Variants in LOC128706665 observed in about 807,000 individuals in gnomAD.
the LOC128706665 span, among the ~76,000 whole-genome samples, chr20:10,416,227 G>C: frequency 6.6e-6 from 1 of 152,132 alleles, no homozygotes; most frequent in Non-Finnish European, 1.5e-5. Context: ...TCTAAATTAA[G>C]AGGTGCACTA....
the LOC128706665 span, among the ~76,000 whole-genome samples, chr20:10,424,406 C>T: frequency 6.6e-6 from 1 of 151,920 alleles, no homozygotes; most frequent in Non-Finnish European, 1.5e-5. Context: ...AAAGAAAAAA[C>T]ATATATTTTT....
chr20:10,426,403 ATGT>A, the LOC128706665 span, among the ~76,000 whole-genome samples: 3 of 148,270 alleles, frequency 2.0e-5, no homozygotes, highest in Non-Finnish European at 4.5e-5. Flanking sequence ...CATGCCTGGC[ATGT>A]TGTTCTTTTT....
chr20:10,423,394 G>A, the LOC128706665 span, among the ~76,000 whole-genome samples: 2 of 152,060 alleles, frequency 1.3e-5, no homozygotes, highest in Admixed American at 1.3e-4. Context: ...TGCACTCCAG[G>A]ACAGGTGATG....
chr20:10,420,032 A>G, the LOC128706665 span, among the ~76,000 whole-genome samples: 3 of 152,158 alleles, frequency 2.0e-5, no homozygotes, highest in Admixed American at 1.3e-4. Context: ...AACTTTTTGA[A>G]TTTTGGAATT....
chr20:10,415,714 T>C, the LOC128706665 span, among the ~76,000 whole-genome samples: 1 of 152,210 alleles, frequency 6.6e-6, no homozygotes, highest in African/African-American at 2.4e-5. Flanking sequence ...CAATAAAAAC[T>C]ATGATTAAGA....
chr20:10,421,709 G>A, the LOC128706665 span, among the ~76,000 whole-genome samples: 2 of 151,906 alleles, frequency 1.3e-5, no homozygotes, highest in Non-Finnish European at 2.9e-5. Flanking sequence ...CAGGGTTATC[G>A]ACCTAGTTTA....
chr20:10,432,610 T>C, the LOC128706665 span, among the ~76,000 whole-genome samples: 1 of 152,000 alleles, frequency 6.6e-6, no homozygotes, highest in African/African-American at 2.4e-5. Context: ...CTGGCCAACA[T>C]GGCGAAACAC....
chr20:10,415,200 G>C, the LOC128706665 span, among the ~76,000 whole-genome samples: 1 of 152,150 alleles, frequency 6.6e-6, no homozygotes, highest in Non-Finnish European at 1.5e-5. Flanking sequence ...TTGAGGCCGG[G>C]TGTTTTAAAG....
chr20:10,422,774 C>T, the LOC128706665 span, among the ~76,000 whole-genome samples: 3 of 150,126 alleles, frequency 2.0e-5, no homozygotes, highest in South Asian at 2.1e-4. Context: ...TGCAGTGGTG[C>T]GATCTCAGCT....
At chr20:10,424,859 C>G in the LOC128706665 span, among the ~76,000 whole-genome samples, 1 of 151,946 alleles carries the variant, frequency 6.6e-6, no homozygotes, top group Non-Finnish European at 1.5e-5. Flanking sequence ...TGAGACCAGT[C>G]TGGCCAACAT....
chr20:10,432,789 CAAAAAAAA>C, the LOC128706665 span, among the ~76,000 whole-genome samples: 7,489 of 74,646 alleles, frequency 0.1, 300 homozygotes, highest in Middle Eastern at 0.19. Flanking sequence ...GACTCTTTGT[CAAAAAAAA>C]AAAAAAAAAA....
chr20:10,417,199 C>T, the LOC128706665 span, among the ~76,000 whole-genome samples: 4 of 148,880 alleles, frequency 2.7e-5, no homozygotes, highest in African/African-American at 7.5e-5. Flanking sequence ...TGCAGTGAGC[C>T]GACATCACCC....
chr20:10,425,957 TAG>T, the LOC128706665 span, among the ~76,000 whole-genome samples: 1 of 152,328 alleles, frequency 6.6e-6, no homozygotes, highest in East Asian at 1.9e-4. Context: ...TCAAGTAAAA[TAG>T]AGTTGATATT....
the LOC128706665 span, among the ~76,000 whole-genome samples, chr20:10,415,955 T>C: frequency 6.3e-4 from 96 of 151,966 alleles, no homozygotes; most frequent in African/African-American, 2.2e-3. Flanking sequence ...GGTCTAGACC[T>C]GAACAAAAGA....
the LOC128706665 span, among the ~76,000 whole-genome samples, chr20:10,416,373 A>G: frequency 1.3e-5 from 2 of 152,182 alleles, no homozygotes; most frequent in African/African-American, 2.4e-5. Context: ...TCTGCCCAAA[A>G]GTAAGGATGT....
the LOC128706665 span, among the ~76,000 whole-genome samples, chr20:10,423,466 A>G: frequency 2.0e-5 from 3 of 152,178 alleles, no homozygotes; most frequent in African/African-American, 7.2e-5. Context: ...GGATAAAAGG[A>G]TGTAATAATA....
the LOC128706665 span, chr20:10,434,100 G>C: frequency 6.6e-6 from 1 of 152,570 alleles, no homozygotes; most frequent in East Asian, 1.9e-4. Context: ...GAGTCCCAGC[G>C]CTCTCACCTG....
chr20:10,431,541 C>T, the LOC128706665 span: 5 of 151,580 alleles, frequency 3.3e-5, no homozygotes, highest in East Asian at 7.8e-4. Context: ...CCAAACCAAA[C>T]CAAACCAAAC....
At chr20:10,415,877 A>G in the LOC128706665 span, among the ~76,000 whole-genome samples, 4 of 152,196 alleles carry the variant, frequency 2.6e-5, no homozygotes, top group Non-Finnish European at 4.4e-5. Context: ...TGACAAAGAA[A>G]TCACTGAAAG....
Sources: allele counts gnomAD v4.1 joint callset (sites outside exome capture counted in the v4.1 genomes callset), GRCh38; gene constraint gnomAD v4.1.1; transcripts MANE v1.5.